Variants in ITK observed in about 807,000 individuals in gnomAD.
ITK encodes the protein tyrosine-protein kinase ITK/TSK.
In ITK, 45 loss-of-function variants were observed where a neutral mutation model predicts 87.6. The ratio of observed to expected loss-of-function variants is 0.51; its 90% confidence interval spans 0.40 to 0.66. The LOEUF (loss-of-function observed/expected upper bound fraction) is 0.66, where lower values mean the gene tolerates loss of function less well. ITK is among the 30% of genes least tolerant of loss of function. The probability of loss-of-function intolerance (pLI) is 0.00; values close to 1 mark genes in which losing one functional copy is unlikely to be tolerated. For synonymous variants in ITK, 303 were observed against 273.6 expected (o/e 1.11, Z -1.06); for missense variants, 605 against 766.3 (o/e 0.79, Z 2.48).
At chr5:157,211,503 A>G (rs542896796) in intron 3 of ITK, 135 bp downstream of exon 3, 398 of 763,692 alleles carry the variant, frequency 5.2e-4, no homozygotes, top group Middle Eastern at 1.1e-3. Context: ...GAAGTTCCCA[A>G]GTTTTCATCC....
intron 16 of ITK, 38 bp downstream of exon 16, chr5:157,249,045 A>C (rs368030120): frequency 1.3e-6 from 2 of 1,588,694 alleles, no homozygotes; most frequent in Non-Finnish European, 1.7e-6. Flanking sequence ...ATTGTCGTAT[A>C]CAATTTGAGG....
At chr5:157,251,481 G>A (rs1755138035) in intron 16 of ITK, among the ~76,000 whole-genome samples, 1 of 152,178 alleles carries the variant, frequency 6.6e-6, no homozygotes, top group Non-Finnish European at 1.5e-5. Flanking sequence ...GTCTTTCACA[G>A]AGAAGACTTT....
At chr5:157,200,471 A>C (rs1411333351) in intron 1 of ITK, among the ~76,000 whole-genome samples, 2 of 152,200 alleles carry the variant, frequency 1.3e-5, no homozygotes, top group Admixed American at 1.3e-4. Flanking sequence ...GGATGATTAT[A>C]GGCAATCACC....
At chr5:157,187,663 A>C (rs1053217235) in intron 1 of ITK, among the ~76,000 whole-genome samples, 6 of 152,214 alleles carry the variant, frequency 3.9e-5, no homozygotes, top group African/African-American at 1.2e-4. Flanking sequence ...AGAAAGGCAC[A>C]TGTAGGAACT....
intron 1 of ITK, among the ~76,000 whole-genome samples, chr5:157,181,926 G>A (rs1393844065): frequency 1.3e-5 from 2 of 152,204 alleles, no homozygotes; most frequent in Non-Finnish European, 2.9e-5. Flanking sequence ...ATTGGACAAA[G>A]GGTCAGGAGA....
chr5:157,219,669 G>C (rs1247336775), intron 5 of ITK, among the ~76,000 whole-genome samples: 1 of 152,206 alleles, frequency 6.6e-6, no homozygotes, highest in African/African-American at 2.4e-5. Context: ...CTGTAGCAGA[G>C]AATGAGCTCT....
chr5:157,226,114 A>C (rs30113), intron 6 of ITK, among the ~76,000 whole-genome samples: 39,544 of 152,098 alleles, frequency 0.26, 5,928 homozygotes, highest in Non-Finnish European at 0.34. Flanking sequence ...TTGTCATATG[A>C]AGCTGAGGAT....
chr5:157,210,890 AC>A (rs1347881721), intron 2 of ITK, among the ~76,000 whole-genome samples: 1 of 151,808 alleles, frequency 6.6e-6, no homozygotes, highest in Non-Finnish European at 1.5e-5. Context: ...TGAGTCTTAA[AC>A]TATTTCAAAA....
chr5:157,240,042 T>A lies in ITK; in HGVS notation c.852-20T>A, dbSNP rs368431016. On this transcript the variant is annotated intron_variant, in intron 9 of 16. Coordinates refer to ENST00000422843, the MANE Select transcript of ITK (RefSeq NM_005546.4). ...CATTGCTTCTTAATAATCATTACAT[T>A]TGTGTTTCATTTGTTTAAGTGAGAA... is the stretch of plus-strand genomic sequence containing the variant. 5.6e-6 allele frequency: 9 copies of A among 1,608,648 alleles called. No homozygotes were observed. The highest frequency in any genetic ancestry group is 7.7e-6 in the Non-Finnish European group (9 of 1,175,436).
chr5:157,223,914 T>C (rs1330475702), intron 6 of ITK, among the ~76,000 whole-genome samples: 1 of 152,240 alleles, frequency 6.6e-6, no homozygotes, highest in African/African-American at 2.4e-5. Flanking sequence ...GTCAACATTT[T>C]ACTTAACTAA....
intron 1 of ITK, among the ~76,000 whole-genome samples, chr5:157,184,783 C>T (rs1753608770): frequency 6.6e-6 from 1 of 152,204 alleles, no homozygotes; most frequent in South Asian, 2.1e-4. Context: ...GATTATTACT[C>T]ACAATTTTGC....
intron 5 of ITK, among the ~76,000 whole-genome samples, chr5:157,218,843 G>A (rs1754354440): frequency 6.6e-6 from 1 of 152,124 alleles, no homozygotes. Context: ...CTGGGAGCAT[G>A]TTAGAAATAC....
chr5:157,206,230 C>T (rs994588832), intron 1 of ITK, among the ~76,000 whole-genome samples: 1 of 152,152 alleles, frequency 6.6e-6, no homozygotes, highest in African/African-American at 2.4e-5. Context: ...GCTAGGATTA[C>T]AGGCATGAGC....
At position 157,248,932 on chromosome 5, in the gene ITK, T is replaced by C. The variant is rs567958718; in HGVS notation, c.1716T>C (p.Ser572=). 68 of 1,613,802 alleles carry C rather than the reference T, an allele frequency of 4.2e-5. No individual in the cohort carries two copies. The highest frequency in any genetic ancestry group is 5.1e-5 in the Non-Finnish European group (60 of 1,179,846). Residue 572 remains serine (S), a synonymous_variant, in exon 16 of 17, where the codon AGT becomes AGC. Transcript: ENST00000422843. ...RSNSEVVEDI[S]TGFRLYKPRL... ...ACTCAGAGGTGGTGGAAGACATCAGTACCGGATTTCGGTTGTACAAGCCCC... is the reference window on the plus strand; with the variant it reads ...ACTCAGAGGTGGTGGAAGACATCAGCACCGGATTTCGGTTGTACAAGCCCC...
intron 1 of ITK, among the ~76,000 whole-genome samples, chr5:157,205,975 CTTTT>C (rs36004184): frequency 9.0e-6 from 1 of 111,454 alleles, no homozygotes; most frequent in Non-Finnish European, 1.8e-5. Context: ...AAGGATTAGC[CTTTT>C]TTTTTTTTTT....
chr5:157,231,224 T>G (rs35238137), intron 7 of ITK, among the ~76,000 whole-genome samples: 2,683 of 152,314 alleles, frequency 0.018, 31 homozygotes, highest in Non-Finnish European at 0.027. Flanking sequence ...ATAAAATGAA[T>G]GCTCAGACAA....
intron 1 of ITK, among the ~76,000 whole-genome samples, chr5:157,198,272 T>G (rs896959672): frequency 6.6e-6 from 1 of 152,262 alleles, no homozygotes; most frequent in African/African-American, 2.4e-5. Context: ...GAAAACTGTA[T>G]GTAAGAATAA....
At chr5:157,202,433 C>T (rs552048094) in intron 1 of ITK, among the ~76,000 whole-genome samples, 3 of 152,160 alleles carry the variant, frequency 2.0e-5, no homozygotes, top group East Asian at 1.9e-4. Context: ...AGGCTAGTCT[C>T]GAACTCCTGG....
At chr5:157,194,183 A>G (rs986171162) in intron 1 of ITK, among the ~76,000 whole-genome samples, 4 of 152,162 alleles carry the variant, frequency 2.6e-5, no homozygotes, top group African/African-American at 7.2e-5. Flanking sequence ...GCAAGAAGGT[A>G]ATTCTACTTA....
Sources: allele counts gnomAD v4.1 joint callset (sites outside exome capture counted in the v4.1 genomes callset), GRCh38; gene constraint gnomAD v4.1.1; transcripts MANE v1.5; gene names NCBI Gene and HGNC (gene_info 2026-07-23, HGNC 2026-07-21).